SNX13: variants seen among roughly 807,000 people sequenced by gnomAD.
The protein encoded by SNX13 is sorting nexin 13.
A neutral mutation model predicts 133.6 loss-of-function variants in SNX13; 45 were observed. The ratio of observed to expected loss-of-function variants is 0.34; its 90% CI spans 0.27 to 0.43. The LOEUF (loss-of-function observed/expected upper bound fraction) is 0.43, where lower values mean the gene tolerates loss of function less well. SNX13 is among the 20% of genes least tolerant of loss of function. The pLI is 1.00. For synonymous variants in SNX13, 414 were observed against 373.9 expected (o/e 1.11, Z -1.24); for missense variants, 1,032 against 1,145.1 (o/e 0.90, Z 1.43).
chr7:17,918,607 CAG>C (rs1459181338), intron 1 of SNX13, among the ~76,000 whole-genome samples: 19 of 152,214 alleles, frequency 1.2e-4, no homozygotes, highest in African/African-American at 4.3e-4. Flanking sequence ...CAAAAAATAA[CAG>C]ATGTTTGTGA....
At chr7:17,871,578 G>A (rs1794125086) in intron 8 of SNX13, among the ~76,000 whole-genome samples, 1 of 152,068 alleles carries the variant, frequency 6.6e-6, no homozygotes, top group Non-Finnish European at 1.5e-5. Context: ...CCCACCCTTT[G>A]TGTCTGAACA....
At chr7:17,817,549 C>T (rs1015426591) in intron 18 of SNX13, among the ~76,000 whole-genome samples, 1 of 152,122 alleles carries the variant, frequency 6.6e-6, no homozygotes, top group Non-Finnish European at 1.5e-5. Flanking sequence ...CTGATGGCTG[C>T]TTGGAGCTAA....
At chr7:17,830,650 G>A in intron 15 of SNX13, 1 of 983,508 alleles carries the variant, frequency 1.0e-6, no homozygotes, top group Non-Finnish European at 1.2e-6. Context: ...ACAAATTAAT[G>A]TGAGAGAATA....
At chr7:17,840,242 T>C (rs1789714962) in intron 12 of SNX13, among the ~76,000 whole-genome samples, 1 of 152,096 alleles carries the variant, frequency 6.6e-6, no homozygotes, top group Non-Finnish European at 1.5e-5. Flanking sequence ...CCACTTTTCA[T>C]AATAAAATCT....
At chr7:17,799,660 TCA>T (rs1784412249) in intron 22 of SNX13, among the ~76,000 whole-genome samples, 1 of 151,746 alleles carries the variant, frequency 6.6e-6, no homozygotes, top group Non-Finnish European at 1.5e-5. Context: ...GTTCAATCCA[TCA>T]CACAACTAAA....
chr7:17,927,531 C>G (rs571431684), intron 1 of SNX13, among the ~76,000 whole-genome samples: 9 of 152,190 alleles, frequency 5.9e-5, no homozygotes, highest in Non-Finnish European at 8.8e-5. Context: ...GCATGAGCCA[C>G]AGCACTCAGC....
intron 1 of SNX13, among the ~76,000 whole-genome samples, chr7:17,916,416 A>G (rs923189496): frequency 1.3e-5 from 2 of 152,178 alleles, no homozygotes; most frequent in African/African-American, 4.8e-5. Flanking sequence ...ATCATTAGCT[A>G]GCTAAGCAAA....
Position 17,839,956 on chromosome 7 carries a change from T to C in SNX13, c.1210A>G (p.Met404Val). The change falls in exon 13 of 26, where the codon ATG becomes GTG. Residue 404 changes from methionine to valine, a missense_variant. Met to Val is a conservative substitution (Grantham distance 21, BLOSUM62 1). Coordinates refer to ENST00000428135, the MANE Select transcript of SNX13 (RefSeq NM_015132.5). ...TGGQAHLFFWMTVEGYRVTAQ... is the reference protein window; with the variant it reads ...TGGQAHLFFWVTVEGYRVTAQ... Reference sequence around the variant, plus strand: ...GTAACCCGGTATCCTTCCACTGTCATCCAAAAGAATAGATGTGCTTGACCT... The same window carrying C: ...GTAACCCGGTATCCTTCCACTGTCACCCAAAAGAATAGATGTGCTTGACCT... The C allele has an allele frequency of 6.2e-7, 1 of 1,611,622 alleles. No homozygotes were observed. Among genetic ancestry groups the C allele is most frequent in the Non-Finnish European group, 8.5e-7 (1 of 1,178,454 alleles).
At chr7:17,915,104 A>G (rs1232942753) in intron 1 of SNX13, among the ~76,000 whole-genome samples, 1 of 152,208 alleles carries the variant, frequency 6.6e-6, no homozygotes, top group East Asian at 1.9e-4. Flanking sequence ...TTTAAACCAA[A>G]AACACTAAAA....
intron 5 of SNX13, chr7:17,880,619 T>A (rs544762729): frequency 6.6e-6 from 1 of 152,150 alleles, no homozygotes. Flanking sequence ...CAGAAGTGGA[T>A]AGATGTAATA....
At chr7:17,855,230 T>C (rs922820610) in intron 9 of SNX13, among the ~76,000 whole-genome samples, 2 of 152,086 alleles carry the variant, frequency 1.3e-5, no homozygotes, top group Admixed American at 6.5e-5. Flanking sequence ...CTAGCAGACA[T>C]TGGAGGTTTG....
At chr7:17,873,758 G>A in intron 7 of SNX13, 142 bp from the exon 8 acceptor site, 2 of 385,256 alleles carry the variant, frequency 5.2e-6, no homozygotes, top group African/African-American at 4.2e-5. Context: ...GTACACATCA[G>A]TATTCATTAA....
chr7:17,932,904 T>C (rs939542445), intron 1 of SNX13, among the ~76,000 whole-genome samples: 1 of 152,240 alleles, frequency 6.6e-6, no homozygotes, highest in Non-Finnish European at 1.5e-5. Flanking sequence ...AGGCTCCCAC[T>C]TTGATGGCCT....
At chr7:17,915,266 G>A (rs1433041939) in intron 1 of SNX13, among the ~76,000 whole-genome samples, 1 of 152,086 alleles carries the variant, frequency 6.6e-6, no homozygotes, top group Non-Finnish European at 1.5e-5. Context: ...GCCCCTCTAT[G>A]CAGCTGACCC....
chr7:17,850,974 A>C lies in SNX13; in HGVS notation c.838-10T>G. 6.3e-7 allele frequency: 1 copy of C among 1,595,008 alleles called. No homozygotes were observed. On this transcript the variant is annotated splice_polypyrimidine_tract_variant and intron_variant, in intron 9 of 25. Coordinates refer to ENST00000428135, the MANE Select transcript of SNX13 (RefSeq NM_015132.5). The stretch of plus-strand genomic sequence containing the variant: ...AGTTAGAATCACGGATCTGAAAACA[A>C]GTTTAAGAAAAACAGGTGGGAGAGG...
intron 1 of SNX13, among the ~76,000 whole-genome samples, chr7:17,933,314 C>A (rs892306091): frequency 2.6e-5 from 4 of 152,028 alleles, no homozygotes; most frequent in Non-Finnish European, 5.9e-5. Context: ...GAGGCCGAGG[C>A]GGGCGGAACA....
chr7:17,911,637 CAAAAAAAAAA>C (rs77578497), intron 1 of SNX13, among the ~76,000 whole-genome samples: 1 of 118,712 alleles, frequency 8.4e-6, no homozygotes, highest in African/African-American at 3.0e-5. Context: ...GACTCTGTCT[CAAAAAAAAAA>C]AAAAAAAAGT....
intron 11 of SNX13, among the ~76,000 whole-genome samples, chr7:17,846,481 G>A (rs1411074452): frequency 1.3e-5 from 2 of 152,048 alleles, no homozygotes; most frequent in Non-Finnish European, 2.9e-5. Context: ...TTTCCAATAA[G>A]AGCCATGATG....
intron 9 of SNX13, among the ~76,000 whole-genome samples, chr7:17,857,065 G>C (rs1791999017): frequency 6.6e-6 from 1 of 151,942 alleles, no homozygotes; most frequent in African/African-American, 2.4e-5. Flanking sequence ...TACTACAACT[G>C]ATACAACTGA....
Sources: allele counts gnomAD v4.1 joint callset (sites outside exome capture counted in the v4.1 genomes callset), GRCh38; gene constraint gnomAD v4.1.1; transcripts MANE v1.5; gene names NCBI Gene and HGNC (gene_info 2026-07-23, HGNC 2026-07-21).